The following MGAT4C variants were observed in gnomAD, a reference collection of about 807,000 sequenced individuals.
MGAT4C encodes the protein MGAT4 family member C, also known as alpha-1,3-mannosyl-glycoprotein 4-beta-N-acetylglucosaminyltransferase C.
Under a neutral mutation model 40.1 loss-of-function variants are expected in MGAT4C, and 19 were observed. The ratio of observed to expected loss-of-function variants is 0.47; its 90% CI spans 0.33 to 0.70. The LOEUF (loss-of-function observed/expected upper bound fraction) is 0.70, where lower values mean the gene tolerates loss of function less well. Among genes scored for constraint, MGAT4C ranks in the 30% least tolerant of loss-of-function variants. MGAT4C has a pLI of 0.02. For synonymous variants in MGAT4C, 181 were observed against 187.1 expected (o/e 0.97, Z 0.27); for missense variants, 491 against 563.2 (o/e 0.87, Z 1.30).
At chr12:86,363,611 T>C (rs1955530085) in intron 3 of MGAT4C, among the ~76,000 whole-genome samples, 1 of 151,964 alleles carries the variant, frequency 6.6e-6, no homozygotes, top group Non-Finnish European at 1.5e-5. Context: ...ATAATAAAGA[T>C]TAGGCTTTAA....
chr12:86,381,067 T>C (rs1447635866), intron 3 of MGAT4C, among the ~76,000 whole-genome samples: 1 of 152,036 alleles, frequency 6.6e-6, no homozygotes, highest in African/African-American at 2.4e-5. Context: ...GGTACAACAG[T>C]TATGAGCAGG....
At chr12:86,693,389 A>T (rs1331908303) in intron 2 of MGAT4C, among the ~76,000 whole-genome samples, 11 of 152,208 alleles carry the variant, frequency 7.2e-5, no homozygotes, top group Admixed American at 7.2e-4. Flanking sequence ...ATTTTTAAAC[A>T]AATGAGGGTG....
intron 2 of MGAT4C, among the ~76,000 whole-genome samples, chr12:86,440,273 A>G (rs1344358912): frequency 2.0e-5 from 3 of 152,112 alleles, no homozygotes; most frequent in Non-Finnish European, 4.4e-5. Context: ...CAAAATGATA[A>G]TTCACTATGA....
chr12:86,425,948 T>C (rs1182526583), intron 3 of MGAT4C, among the ~76,000 whole-genome samples: 1 of 152,226 alleles, frequency 6.6e-6, no homozygotes, highest in Admixed American at 6.5e-5. Flanking sequence ...TTAATAATCA[T>C]ATACTCCAGT....
rs534583810 is a variant in MGAT4C at position 85,955,798 on chromosome 12, A to C, written c.*23491T>G. On this transcript the variant is annotated 3_prime_UTR_variant, in exon 5 of 5. Coordinates refer to ENST00000611864, the MANE Select transcript of MGAT4C (RefSeq NM_001351288.2). ...AAGCCATCAAGCATACTGGTTCACC[A>C]TGTTGCAGACTTTAAAAAAATACAG... 6.6e-6 allele frequency: 1 copy of C among 152,328 alleles called. No homozygotes were observed. The highest frequency in any genetic ancestry group is 1.5e-5 in the Non-Finnish European group (1 of 68,010). 9.4% of individuals were successfully genotyped at this position (152,328 alleles called of 1,614,324 possible).
At chr12:86,800,446 C>T (rs1334426651) in intron 1 of MGAT4C, among the ~76,000 whole-genome samples, 1 of 151,786 alleles carries the variant, frequency 6.6e-6, no homozygotes, top group African/African-American at 2.4e-5. Flanking sequence ...GAATTAAATT[C>T]CATCTGTTTT....
chr12:86,014,966 TTTTC>T (rs958918772), intron 2 of MGAT4C, among the ~76,000 whole-genome samples: 5 of 150,296 alleles, frequency 3.3e-5, no homozygotes, highest in Non-Finnish European at 5.9e-5. Flanking sequence ...TTATTTTTCA[TTTTC>T]TTTCTTTCTT....
At chr12:86,161,543 C>T (rs1417585811) in intron 1 of MGAT4C, among the ~76,000 whole-genome samples, 1 of 152,042 alleles carries the variant, frequency 6.6e-6, no homozygotes, top group Non-Finnish European at 1.5e-5. Flanking sequence ...AAACCTGAAA[C>T]TATAAAAATC....
rs1951916037 is a variant in MGAT4C at position 86,785,496 on chromosome 12, T to C, written c.-262+53170A>G. Among the ~76,000 whole-genome samples, 3 of 152,018 alleles carry C rather than the reference T, an allele frequency of 2.0e-5. No individual in the cohort carries two copies. The South Asian group carries it at 6.2e-4, about 31-fold the overall frequency. On this transcript the variant is annotated intron_variant, in intron 1 of 7. Coordinates refer to the MGAT4C transcript ENST00000548651. ...GCCATGCAGAAATGTGCAAATGTCA[T>C]GAAAATTATATCTGGGTTAGATAAA...
chr12:86,814,545 A>C (rs1413569513), intron 1 of MGAT4C, among the ~76,000 whole-genome samples: 2 of 151,810 alleles, frequency 1.3e-5, no homozygotes, highest in African/African-American at 4.8e-5. Flanking sequence ...TTACAATTAC[A>C]TTAATTCCAA....
intron 2 of MGAT4C, chr12:86,015,757 C>T (rs773765691): frequency 1.3e-5 from 2 of 152,156 alleles, no homozygotes; most frequent in Non-Finnish European, 2.9e-5. Context: ...CATTTAGTGC[C>T]TTGCTTGTAT....
intron 1 of MGAT4C, among the ~76,000 whole-genome samples, chr12:86,764,800 ACG>A: frequency 6.6e-6 from 1 of 152,188 alleles, no homozygotes; most frequent in East Asian, 1.9e-4. Context: ...CATGCAGCTG[ACG>A]GTCCTGTCTG....
chr12:86,341,708 C>A (rs1954909746), intron 3 of MGAT4C, among the ~76,000 whole-genome samples: 1 of 152,162 alleles, frequency 6.6e-6, no homozygotes, highest in South Asian at 2.1e-4. Context: ...CAACCCAGGG[C>A]AGATGGGATC....
At chr12:86,362,284 C>T (rs1317334266) in intron 3 of MGAT4C, among the ~76,000 whole-genome samples, 2 of 151,900 alleles carry the variant, frequency 1.3e-5, no homozygotes, top group Non-Finnish European at 1.5e-5. Context: ...GTGAATTGAA[C>T]AATGAGAACA....
chr12:86,655,194 G>A (rs1017832063), intron 2 of MGAT4C, among the ~76,000 whole-genome samples: 6 of 151,754 alleles, frequency 4.0e-5, no homozygotes, highest in Non-Finnish European at 8.8e-5. Flanking sequence ...CTGTCCCCCA[G>A]CCCCCAATCG....
At position 85,970,897 on chromosome 12, in the gene MGAT4C, CAT is replaced by C. The variant is rs758905636; in HGVS notation, c.*8390_*8391del. 1.3e-5 allele frequency: 2 copies of C among 151,232 alleles called. No homozygotes were observed. Among genetic ancestry groups the C allele is most frequent in the Non-Finnish European group, 3.0e-5 (2 of 67,374 alleles). 9.4% of individuals were successfully genotyped at this position (151,232 alleles called of 1,614,324 possible). ...ATGTCAATCTCTATTGCTCCTAACACATGAGTGGCTAAAATTGCAAACTTAAT... is the reference window on the plus strand; with the variant it reads ...ATGTCAATCTCTATTGCTCCTAACACGAGTGGCTAAAATTGCAAACTTAAT... On this transcript the variant is annotated 3_prime_UTR_variant, in exon 5 of 5. Transcript: ENST00000611864.
chr12:86,323,958 G>T (rs781008477), intron 4 of MGAT4C, among the ~76,000 whole-genome samples: 1 of 151,858 alleles, frequency 6.6e-6, no homozygotes, highest in Non-Finnish European at 1.5e-5. Context: ...TTTTAATATG[G>T]ACTATGTATT....
At chr12:86,770,688 A>G (rs1195070179) in intron 1 of MGAT4C, among the ~76,000 whole-genome samples, 1 of 152,050 alleles carries the variant, frequency 6.6e-6, no homozygotes, top group Non-Finnish European at 1.5e-5. Context: ...CTTATGTATG[A>G]ATTCTTTCAA....
At chr12:86,534,210 T>G (rs1164578912) in intron 2 of MGAT4C, among the ~76,000 whole-genome samples, 1 of 152,094 alleles carries the variant, frequency 6.6e-6, no homozygotes, top group Non-Finnish European at 1.5e-5. Context: ...AAGCTTCATC[T>G]GCATAATCAA....
Sources: gnomAD v4.1 joint callset for allele counts (sites outside exome capture counted in the v4.1 genomes callset) on GRCh38, gnomAD v4.1.1 for gene constraint, MANE v1.5 for transcripts, NCBI Gene and HGNC (gene_info 2026-07-23, HGNC 2026-07-21) for gene names.